The following PPIH variants were observed in gnomAD, a reference collection of about 807,000 sequenced individuals.
PPIH encodes the protein peptidyl-prolyl cis-trans isomerase H.
Under a neutral mutation model 27.6 loss-of-function variants are expected in PPIH, and 16 were observed. That is an observed-to-expected ratio of 0.58 (90% CI 0.39 to 0.88). PPIH has a LOEUF of 0.88. PPIH is among the 40% of genes least tolerant of loss of function. The pLI is 0.00. For missense variants in PPIH, 155 were observed against 224.1 expected (o/e 0.69, Z 1.97); for synonymous variants, 63 against 76.1 (o/e 0.83, Z 0.90).
At chr1:42,659,173 C>T in intron 2 of PPIH, 55 bp from the exon 3 acceptor site, 7 of 1,607,478 alleles carry the variant, frequency 4.4e-6, no homozygotes, top group Middle Eastern at 1.7e-4. Context: ...TATTTAGAGG[C>T]GCTCACGACT....
In PPIH at chr1:42,667,417, T is replaced by G; in HGVS notation, c.532T>G (p.Ter178GluextTer17). Residue 178 changes from the stop codon to glutamate, a stop_lost, in exon 9 of 10, where the codon TAG becomes GAG. Coordinates refer to ENST00000304979, the MANE Select transcript of PPIH (RefSeq NM_006347.4). ...GGTGATCTCGCAGTGTGGGGAGATG[T>G]AGTCCAGACAAAGACTGAATCAGGT... is the stretch of plus-strand genomic sequence containing the variant. The part of the protein sequence containing the change: ...PVVISQCGEM[*>E] The G allele has an allele frequency of 6.3e-7, 1 of 1,595,394 alleles. No individual in the cohort carries two copies.
chr1:42,658,969 G>T, intron 2 of PPIH, 61 bp downstream of exon 2: 3 of 1,533,634 alleles, frequency 2.0e-6, no homozygotes, highest in South Asian at 1.1e-5. Flanking sequence ...CCAGTCAGCC[G>T]CCTGAAATAG....
chr1:42,658,989 C>A, intron 2 of PPIH, 81 bp downstream of exon 2: 1 of 1,478,136 alleles, frequency 6.8e-7, no homozygotes, highest in Non-Finnish European at 9.4e-7. Flanking sequence ...GCCTGTCTAC[C>A]TCTGTCCGTC....
chr1:42,666,531 C>G lies in PPIH; in HGVS notation c.425-16C>G. 1 of 1,612,922 alleles carries G rather than the reference C, an allele frequency of 6.2e-7. No homozygotes were observed. The highest frequency in any genetic ancestry group is 8.5e-7 in the Non-Finnish European group (1 of 1,178,986). ...ATGTAAACAAGAATAAAGTCCAGCT[C>G]ATGCTCTTCCTACAGGAAAAATCAT... On this transcript the variant is annotated splice_polypyrimidine_tract_variant and intron_variant, in intron 7 of 9. Transcript: ENST00000304979.
intron 7 of PPIH, among the ~76,000 whole-genome samples, chr1:42,666,319 C>A (rs1027028428): frequency 2.0e-5 from 3 of 152,086 alleles, no homozygotes; most frequent in African/African-American, 7.2e-5. Context: ...CAAAGAAATG[C>A]CATAGAGGCA....
At chr1:42,661,539 G>T (rs1304493826) in intron 5 of PPIH, among the ~76,000 whole-genome samples, 1 of 152,156 alleles carries the variant, frequency 6.6e-6, no homozygotes, top group Non-Finnish European at 1.5e-5. Context: ...ACCTTGGAGG[G>T]TGTGGGATAA....
At position 42,664,742 on chromosome 1, in the gene PPIH, T is replaced by A; in HGVS notation, c.244-121T>A. ...GGTCAAATAGGTGCAGCTTCCAAGA[T>A]GACCAACAAGAGTAAGAGTAGACTT... On this transcript the variant is annotated intron_variant, in intron 5 of 9. Coordinates refer to ENST00000304979, the MANE Select transcript of PPIH (RefSeq NM_006347.4). The A allele has an allele frequency of 5.4e-6, 4 of 740,736 alleles. No homozygotes were observed. In the South Asian group the frequency reaches 7.8e-5, roughly 15 times the overall value. The allele number at this position is 740,736 out of a possible 1,614,324, so 45.9% of individuals were successfully genotyped here.
chr1:42,669,419 A>G (rs1225299704), intron 9 of PPIH, among the ~76,000 whole-genome samples: 1 of 152,134 alleles, frequency 6.6e-6, no homozygotes, highest in Non-Finnish European at 1.5e-5. Flanking sequence ...TACAATAGCT[A>G]TAAGTAGCTA....
intron 3 of PPIH, 48 bp from the exon 4 acceptor site, chr1:42,659,474 C>A: frequency 6.2e-7 from 1 of 1,614,178 alleles, no homozygotes; most frequent in Non-Finnish European, 8.5e-7. Flanking sequence ...ACTGGAAAGG[C>A]CTTGTGCTAC....
chr1:42,663,652 A>T (rs973629284), intron 5 of PPIH, among the ~76,000 whole-genome samples: 4 of 152,140 alleles, frequency 2.6e-5, no homozygotes, highest in African/African-American at 9.7e-5. Context: ...CACCCGCCTC[A>T]GCCTCCCAAA....
Position 42,659,226 on chromosome 1 carries a change from A to T in PPIH, c.132-2A>T. The stretch of plus-strand genomic sequence containing the variant: ...GAATCATTCATTTTTTGTCCCTTTC[A>T]GGCAGTTCTGCACCGGAGAATTCAG... On this transcript the variant is annotated splice_acceptor_variant, in intron 2 of 9. Transcript: ENST00000304979. LOFTEE classifies it high-confidence loss of function. 1 of 1,613,900 alleles carries T rather than the reference A, an allele frequency of 6.2e-7. No homozygotes were observed. Among genetic ancestry groups the T allele is most frequent in the Non-Finnish European group, 8.5e-7 (1 of 1,179,984 alleles).
At chr1:42,680,921 A>T (rs1030152035), downstream of PPIH, among the ~76,000 whole-genome samples, 4 of 152,174 alleles carry the variant, frequency 2.6e-5, no homozygotes, top group South Asian at 2.1e-4. Context: ...GCAATTGGTG[A>T]TGATGGCCTA....
chr1:42,659,173 C>A, intron 2 of PPIH, 55 bp from the exon 3 acceptor site: 1 of 1,607,476 alleles, frequency 6.2e-7, no homozygotes. Context: ...TATTTAGAGG[C>A]GCTCACGACT....
intron 8 of PPIH, 135 bp downstream of exon 8, chr1:42,666,722 G>GA (rs35844708): frequency 0.46 from 396,619 of 860,506 alleles, 94,822 homozygotes; most frequent in African/African-American, 0.47. Flanking sequence ...AAAGGGAAGA[G>GA]AACCACCTAA....
intron 9 of PPIH, among the ~76,000 whole-genome samples, chr1:42,670,577 CCTT>C (rs1649575606): frequency 6.6e-6 from 1 of 151,832 alleles, no homozygotes. Context: ...CCAAGAAAGC[CCTT>C]CTTCTCAGCC....
At chr1:42,661,455 C>CT (rs1440516580) in intron 5 of PPIH, among the ~76,000 whole-genome samples, 1 of 152,246 alleles carries the variant, frequency 6.6e-6, no homozygotes, top group East Asian at 1.9e-4. Flanking sequence ...TGAAATAGTT[C>CT]TTTTTTGCTA....
At chr1:42,658,779 C>T (rs1648814234) in intron 1 of PPIH, 65 bp from the exon 2 acceptor site, 1 of 1,563,558 alleles carries the variant, frequency 6.4e-7, no homozygotes, top group African/African-American at 1.4e-5. Context: ...CCCATCATGC[C>T]CCCTGCTCCG....
intron 5 of PPIH, among the ~76,000 whole-genome samples, chr1:42,661,700 C>T (rs1296639854): frequency 6.6e-6 from 1 of 152,102 alleles, no homozygotes; most frequent in Non-Finnish European, 1.5e-5. Context: ...TTTATTTAGT[C>T]TGAATCTCAT....
downstream of PPIH, chr1:42,681,097 C>A (rs527769556): frequency 1.3e-5 from 2 of 152,322 alleles, no homozygotes; most frequent in Non-Finnish European, 2.9e-5. Flanking sequence ...CCATTCCTTG[C>A]CCCTCTGCAA....
Sources: allele counts gnomAD v4.1 joint callset (sites outside exome capture counted in the v4.1 genomes callset), GRCh38; gene constraint gnomAD v4.1.1; transcripts MANE v1.5; gene names NCBI Gene and HGNC (gene_info 2026-07-23, HGNC 2026-07-21).